The following CRTAC1 variants were observed in gnomAD, a reference collection of about 807,000 sequenced individuals.
The protein encoded by CRTAC1 is acidic secreted protein in cartilage.
In CRTAC1, 37 loss-of-function variants were observed where a neutral mutation model predicts 67.8. The ratio of observed to expected loss-of-function variants is 0.55; its 90% CI spans 0.42 to 0.72. The LOEUF (loss-of-function observed/expected upper bound fraction) is 0.72. Ranked by LOEUF, CRTAC1 falls within the 30% of genes least tolerant of loss-of-function variation. The pLI is 0.00. For missense variants in CRTAC1, 780 were observed against 931.6 expected (o/e 0.84, Z 2.12); for synonymous variants, 348 against 371.0 (o/e 0.94, Z 0.71).
intron 2 of CRTAC1, among the ~76,000 whole-genome samples, chr10:98,006,304 C>G (rs527842141): frequency 3.3e-5 from 5 of 152,212 alleles, no homozygotes; most frequent in Non-Finnish European, 7.3e-5. Context: ...ATGGTCTGTG[C>G]GTGCACGGAA....
At chr10:97,940,909 G>A (rs1412772757) in intron 2 of CRTAC1, among the ~76,000 whole-genome samples, 1 of 152,186 alleles carries the variant, frequency 6.6e-6, no homozygotes, top group Non-Finnish European at 1.5e-5. Flanking sequence ...TGGTGATCAT[G>A]TTGATATTTC....
intron 5 of CRTAC1, among the ~76,000 whole-genome samples, chr10:97,911,362 G>A (rs1053967964): frequency 2.6e-5 from 4 of 152,222 alleles, no homozygotes; most frequent in African/African-American, 9.6e-5. Context: ...GGGTTGGGTT[G>A]AAGCCTTGTA....
intron 2 of CRTAC1, among the ~76,000 whole-genome samples, chr10:97,997,706 T>C (rs897345538): frequency 6.6e-6 from 1 of 152,114 alleles, no homozygotes; most frequent in African/African-American, 2.4e-5. Flanking sequence ...TTATCAGAGA[T>C]TATCAGGGAG....
chr10:97,954,865 T>C (rs949487664), intron 2 of CRTAC1, among the ~76,000 whole-genome samples: 6 of 152,224 alleles, frequency 3.9e-5, no homozygotes, highest in Admixed American at 6.5e-5. Context: ...GCTTGGCTTA[T>C]GGCTGCATCA....
At chr10:97,865,746 C>A in intron 14 of CRTAC1, 32 bp from the exon 15 acceptor site, 2 of 1,484,372 alleles carry the variant, frequency 1.3e-6, no homozygotes, top group Admixed American at 1.9e-5. Context: ...GAGTGAGGGC[C>A]TTGCAGACCT....
At chr10:97,942,930 G>T (rs1186252569) in intron 2 of CRTAC1, among the ~76,000 whole-genome samples, 2 of 151,912 alleles carry the variant, frequency 1.3e-5, no homozygotes, top group Non-Finnish European at 2.9e-5. Flanking sequence ...AATTTAGCCG[G>T]GTGTGGTGGT....
intron 5 of CRTAC1, among the ~76,000 whole-genome samples, chr10:97,911,665 A>G (rs1023188829): frequency 6.6e-6 from 1 of 152,212 alleles, no homozygotes; most frequent in African/African-American, 2.4e-5. Context: ...CGACAAGCAA[A>G]TCTTCTTCAA....
chr10:98,013,322 G>A (rs542392024), intron 1 of CRTAC1, among the ~76,000 whole-genome samples: 2 of 152,264 alleles, frequency 1.3e-5, no homozygotes, highest in South Asian at 4.2e-4. Flanking sequence ...TTTGGGTCAC[G>A]GCCACCAGGG....
intron 2 of CRTAC1, among the ~76,000 whole-genome samples, chr10:97,942,118 G>T (rs2051185728): frequency 6.6e-6 from 1 of 152,194 alleles, no homozygotes; most frequent in African/African-American, 2.4e-5. Context: ...TCCTCAGAGA[G>T]ATCTCCCTCA....
chr10:97,895,837 C>G lies in CRTAC1; in HGVS notation c.1317+48G>C. ...CTTGCCCTCACCAACTCAAGGTACC[C>G]GAGAGCACACAGGGCTGGGATCTGT... On this transcript the variant is annotated intron_variant, in intron 10 of 14. Transcript: ENST00000370597. The surrounding 1 kb of genome is among the most constrained non-coding windows in gnomAD (Gnocchi z 4.2). 1 of 1,519,190 alleles carries G rather than the reference C, an allele frequency of 6.6e-7. No individual in the cohort carries two copies. Among genetic ancestry groups the G allele is most frequent in the Non-Finnish European group, 9.1e-7 (1 of 1,097,152 alleles). The allele number at this position is 1,519,190 out of a possible 1,614,324, so 94.1% of individuals were successfully genotyped here. A position where few individuals can be genotyped will look rare whatever the true frequency, so the allele number is the denominator to read the frequency against.
At chr10:98,003,347 T>C (rs766062772) in intron 2 of CRTAC1, among the ~76,000 whole-genome samples, 1 of 152,204 alleles carries the variant, frequency 6.6e-6, no homozygotes, top group Non-Finnish European at 1.5e-5. Context: ...TTCTGTACAT[T>C]AGAAGTCCAG....
At chr10:97,966,369 C>A (rs2051616605) in intron 2 of CRTAC1, among the ~76,000 whole-genome samples, 1 of 152,244 alleles carries the variant, frequency 6.6e-6, no homozygotes, top group East Asian at 1.9e-4. Context: ...CTCAGCCTCC[C>A]ACAGTGCTGG....
intron 14 of CRTAC1, 89 bp from the exon 15 acceptor site, chr10:97,865,803 GCTCACCCTGCTGCCC>G: frequency 4.4e-6 from 5 of 1,137,888 alleles, no homozygotes; most frequent in East Asian, 3.1e-5. Flanking sequence ...CATTCTTTGG[GCTCACCCTGCTGCCC>G]GGGGTGGGAG....
intron 2 of CRTAC1, among the ~76,000 whole-genome samples, chr10:97,945,877 G>C (rs908261460): frequency 6.6e-6 from 1 of 152,206 alleles, no homozygotes; most frequent in Admixed American, 6.5e-5. Context: ...TCTGTGTTCT[G>C]TAAAAACTCC....
intron 1 of CRTAC1, among the ~76,000 whole-genome samples, chr10:98,016,193 A>T (rs1842992994): frequency 1.3e-5 from 2 of 152,204 alleles, no homozygotes; most frequent in African/African-American, 2.4e-5. Flanking sequence ...GACAGCTCCC[A>T]TCAAAGGGCA....
intron 3 of CRTAC1, among the ~76,000 whole-genome samples, chr10:97,930,823 C>T (rs757436507): frequency 9.9e-5 from 15 of 151,904 alleles, no homozygotes; most frequent in Non-Finnish European, 2.1e-4. Context: ...CTGAAGACCT[C>T]TTTAAGTATG....
In CRTAC1 at chr10:97,895,506, G is replaced by A; in HGVS notation, c.1318-93C>T. The A allele has an allele frequency of 9.1e-7, 1 of 1,100,952 alleles. No homozygotes were observed. Among genetic ancestry groups the A allele is most frequent in the Non-Finnish European group, 1.3e-6 (1 of 772,194 alleles). 68.2% of individuals were successfully genotyped at this position (1,100,952 alleles called of 1,614,324 possible). A position where few individuals can be genotyped will look rare whatever the true frequency, so the allele number is the denominator to read the frequency against. On this transcript the variant is annotated intron_variant, in intron 10 of 14. Transcript: ENST00000370597. This position sits in a 1 kb window ranked among gnomAD's most constrained non-coding sequence, Gnocchi z 4.2. The stretch of plus-strand genomic sequence containing the variant: ...AGGGAGGACGGGAGGGGGAGAGGGA[G>A]AAGAAGGAGGAAGAGAAGAAAGCAG...
chr10:97,993,287 G>C (rs1445338255), intron 2 of CRTAC1, among the ~76,000 whole-genome samples: 2 of 152,202 alleles, frequency 1.3e-5, no homozygotes, highest in African/African-American at 4.8e-5. Flanking sequence ...CAAACCCATA[G>C]AGCAGTTTTT....
In CRTAC1 at chr10:97,880,364, G is replaced by C. The variant is rs769768285; in HGVS notation, c.1704C>G (p.Phe568Leu). The change falls in exon 14 of 15, where the codon TTC becomes TTG. Residue 568 changes from phenylalanine (F) to leucine (L), a missense_variant. Physicochemically the swap from Phe to Leu is conservative, Grantham distance 22 (BLOSUM62 0). Coordinates refer to ENST00000370597, the MANE Select transcript of CRTAC1 (RefSeq NM_018058.7). The stretch of plus-strand genomic sequence containing the variant: ...ATACGGGCTTGTCTCGAGGGCACAC[G>C]AATGGGAACTGGATGCATTCATTGG... ...MDTNECIQFP[F>L]VCPRDKPVCV... 4 of 1,614,120 alleles carry C rather than the reference G, an allele frequency of 2.5e-6. No individual in the cohort carries two copies. In the Admixed American group the frequency reaches 6.7e-5, roughly 27 times the overall value.
Sources: allele counts gnomAD v4.1 joint callset (sites outside exome capture counted in the v4.1 genomes callset), GRCh38; gene constraint gnomAD v4.1.1; non-coding constraint Gnocchi (gnomAD v3.1); transcripts MANE v1.5; gene names NCBI Gene and HGNC (gene_info 2026-07-23, HGNC 2026-07-21).